The following GLIPR1 variants were observed in gnomAD, a reference collection of about 807,000 sequenced individuals.
GLIPR1 encodes the protein glioma pathogenesis-related protein 1.
A neutral mutation model predicts 30.3 loss-of-function variants in GLIPR1; 38 were observed. The ratio of observed to expected loss-of-function variants is 1.26; its 90% CI spans 0.97 to 1.65. The LOEUF (loss-of-function observed/expected upper bound fraction) is 1.65, where lower values mean the gene tolerates loss of function less well. GLIPR1 is among the 40% of genes most tolerant of loss of function. GLIPR1 has a pLI of 0.00. For missense variants in GLIPR1, 285 were observed against 326.5 expected (o/e 0.87, Z 0.98); for synonymous variants, 122 against 110.6 (o/e 1.10, Z -0.65).
At chr12:75,496,813 T>C (rs764135739) in intron 4 of GLIPR1, 10 of 152,202 alleles carry the variant, frequency 6.6e-5, no homozygotes, top group Non-Finnish European at 1.3e-4. Flanking sequence ...TTCTATATAT[T>C]AAACTGCTTG....
intron 3 of GLIPR1, chr12:75,493,562 A>T (rs1306570643): frequency 6.6e-6 from 1 of 152,162 alleles, no homozygotes; most frequent in Non-Finnish European, 1.5e-5. Context: ...AATAACTTTG[A>T]CCACAAGATA....
intron 2 of GLIPR1, chr12:75,484,887 A>C (rs1223886155): frequency 1.1e-5 from 2 of 175,852 alleles, no homozygotes; most frequent in Admixed American, 6.3e-5. Flanking sequence ...TTGGGCTCAG[A>C]GGCCTGACAA....
chr12:75,488,120 C>T (rs968401461), intron 2 of GLIPR1, among the ~76,000 whole-genome samples: 1 of 152,178 alleles, frequency 6.6e-6, no homozygotes, highest in African/African-American at 2.4e-5. Flanking sequence ...CCTGTTTTAT[C>T]CGCAAGGTCT....
At chr12:75,496,373 TA>T (rs1271731663) in intron 4 of GLIPR1, 2 of 151,888 alleles carry the variant, frequency 1.3e-5, no homozygotes, top group Admixed American at 1.3e-4. Flanking sequence ...GAAAATAAAA[TA>T]AAGCTGCAAC....
In GLIPR1 at chr12:75,480,960, A is replaced by T; in HGVS notation, c.80A>T (p.Asp27Val). 1 of 1,613,924 alleles carries T rather than the reference A, an allele frequency of 6.2e-7. No individual in the cohort carries two copies. The highest frequency in any genetic ancestry group is 8.5e-7 in the Non-Finnish European group (1 of 1,179,772). The stretch of plus-strand genomic sequence containing the variant: ...TCACACACAGCAAATATTTTGCCAG[A>T]TATCGAAAATGAAGATTTCATCAAA... ...NYSHTANILP[D>V]IENEDFIKDC... Residue 27 changes from aspartate (D) to valine (V), a missense_variant, in exon 1 of 6, where the codon GAT (aspartate) becomes GTT (valine). Physicochemically the swap from Asp to Val is radical, Grantham distance 152. Transcript: ENST00000266659.
Position 75,498,903 on chromosome 12 carries a change from A to T in GLIPR1, c.726A>T (p.Ser242=). ...RYTSLFLIVN[S]VILILSVIIT... ...CTTCTCTCTTTCTCATTGTTAATTC[A>T]GTAATTCTAATACTGTCTGTTATAA... Residue 242 remains serine, a synonymous_variant, in exon 6 of 6, where the codon TCA becomes TCT. Transcript: ENST00000266659. 3 of 1,607,404 alleles carry T rather than the reference A, an allele frequency of 1.9e-6. No individual in the cohort carries two copies. Among genetic ancestry groups the T allele is most frequent in the Non-Finnish European group, 2.6e-6 (3 of 1,174,178 alleles).
At position 75,500,065 on chromosome 12, in the gene GLIPR1, T is replaced by C; in HGVS notation, c.*1087T>C. The C allele has an allele frequency of 1.4e-6, 1 of 740,184 alleles. No homozygotes were observed. Among genetic ancestry groups the C allele is most frequent in the Non-Finnish European group, 2.1e-6 (1 of 480,460 alleles). The allele number at this position is 740,184 out of a possible 1,614,324, so 45.9% of individuals were successfully genotyped here. A position where few individuals can be genotyped will look rare whatever the true frequency, so the allele number is the denominator to read the frequency against. The stretch of plus-strand genomic sequence containing the variant: ...AAGGCAGTTAACTTCAGAGTATTCT[T>C]ATAATTGAATAATTGAAAGGTGATC... On this transcript the variant is annotated 3_prime_UTR_variant, in exon 6 of 6. Coordinates refer to ENST00000266659, the MANE Select transcript of GLIPR1 (RefSeq NM_006851.3).
At chr12:75,498,000 G>C (rs1380250266) in intron 4 of GLIPR1, 2 of 152,222 alleles carry the variant, frequency 1.3e-5, no homozygotes, top group African/African-American at 4.8e-5. Flanking sequence ...CCCACTCACA[G>C]GTATGAAGAC....
chr12:75,499,805 T>TA lies in GLIPR1; in HGVS notation c.*828dup. The TA allele has an allele frequency of 6.3e-7, 1 of 1,595,424 alleles. No individual in the cohort carries two copies. Among genetic ancestry groups the TA allele is most frequent in the Non-Finnish European group, 8.5e-7 (1 of 1,172,920 alleles). Reference sequence around the variant, plus strand: ...ATAGTTCTAGTCAAGGAGTTTTGGGTATGTTACTTTTTTTTCTTCTTTTTC... The same window carrying TA: ...ATAGTTCTAGTCAAGGAGTTTTGGGTAATGTTACTTTTTTTTCTTCTTTTTC... On this transcript the variant is annotated 3_prime_UTR_variant, in exon 6 of 6. Transcript: ENST00000266659.
At chr12:75,483,226 C>T (rs1397030091) in intron 2 of GLIPR1, among the ~76,000 whole-genome samples, 1 of 152,164 alleles carries the variant, frequency 6.6e-6, no homozygotes, top group South Asian at 2.1e-4. Context: ...AAATAAGTTT[C>T]CTTGGATTCC....
In GLIPR1 at chr12:75,481,912, C is replaced by T. The variant is rs1411077809; in HGVS notation, c.253C>T (p.Pro85Ser). Residue 85 changes from proline to serine, a missense_variant, in exon 2 of 6, where the codon CCA becomes TCA. By Grantham distance (74) the Pro-to-Ser change is moderately conservative (BLOSUM62 -1). Coordinates refer to ENST00000266659, the MANE Select transcript of GLIPR1 (RefSeq NM_006851.3). ...GTTTTCACATAATACACGGCTGAAG[C>T]CACCCCACAAGCTGCACCCAAACTT... Reference protein sequence around the residue: ...CQFSHNTRLKPPHKLHPNFTS... With the variant: ...CQFSHNTRLKSPHKLHPNFTS... The T allele has an allele frequency of 1.3e-5, 21 of 1,614,024 alleles. No homozygotes were observed. The highest frequency in any genetic ancestry group is 2.2e-5 in the East Asian group (1 of 44,890).
intron 2 of GLIPR1, among the ~76,000 whole-genome samples, chr12:75,485,539 T>TTATTTATTTATTTATC (rs2046289692): frequency 1.4e-5 from 2 of 145,142 alleles, no homozygotes; most frequent in Non-Finnish European, 3.0e-5. Flanking sequence ...TTTATTTTAT[T>TTATTTATTTATTTATC]TATTTATTTA....
chr12:75,495,715 T>G (rs1405613586), intron 4 of GLIPR1, 53 bp downstream of exon 4: 2 of 1,027,064 alleles, frequency 1.9e-6, no homozygotes, highest in Non-Finnish European at 3.0e-6. Flanking sequence ...AACATGTAAC[T>G]TTCTACAGAA....
At position 75,481,849 on chromosome 12, in the gene GLIPR1, C is replaced by T. The variant is rs199803624; in HGVS notation, c.190C>T (p.Leu64=). The part of the protein sequence containing the change: ...DMLYMTWDPA[L]AQIAKAWASN... ...ATTTTTGCAGACTTGGGACCCAGCA[C>T]TAGCCCAAATTGCAAAAGCATGGGC... Residue 64 remains leucine, a synonymous_variant, in exon 2 of 6, where the codon CTA becomes TTA. Coordinates refer to ENST00000266659, the MANE Select transcript of GLIPR1 (RefSeq NM_006851.3). The T allele has an allele frequency of 3.6e-5, 58 of 1,613,984 alleles. No homozygotes were observed. Among genetic ancestry groups the T allele is most frequent in the Non-Finnish European group, 4.8e-5 (57 of 1,179,972 alleles).
chr12:75,495,421 T>TCCA (rs1566099742), intron 3 of GLIPR1, 156 bp from the exon 4 acceptor site: 5 of 573,868 alleles, frequency 8.7e-6, no homozygotes, highest in Non-Finnish European at 1.6e-5. Flanking sequence ...TTAGCAGCCT[T>TCCA]CCATTTCTGC....
chr12:75,501,681 T>C lies in GLIPR1; in HGVS notation c.*2703T>C, dbSNP rs957088319. On this transcript the variant is annotated 3_prime_UTR_variant, in exon 6 of 6. Coordinates refer to ENST00000266659, the MANE Select transcript of GLIPR1 (RefSeq NM_006851.3). ...CAGACAAATTTATTATGGGTTTACT[T>C]TTCCTAATTAATAAAGACTTTTACA... The C allele has an allele frequency of 1.5e-5, 20 of 1,302,646 alleles. No homozygotes were observed. Among genetic ancestry groups the C allele is most frequent in the Non-Finnish European group, 2.0e-5 (18 of 913,908 alleles). The allele number at this position is 1,302,646 out of a possible 1,614,324, so 80.7% of individuals were successfully genotyped here. A position where few individuals can be genotyped will look rare whatever the true frequency, so the allele number is the denominator to read the frequency against.
intron 3 of GLIPR1, chr12:75,495,036 AT>A (rs2046342172): frequency 6.6e-6 from 1 of 152,286 alleles, no homozygotes. Flanking sequence ...TACTTTAGAA[AT>A]TCCCCCATAC....
intron 2 of GLIPR1, among the ~76,000 whole-genome samples, chr12:75,487,072 G>T (rs376557840): frequency 1.2e-4 from 18 of 152,266 alleles, no homozygotes; most frequent in African/African-American, 4.3e-4. Flanking sequence ...ATGGGGAAGG[G>T]ATCCAAAGAT....
At position 75,495,572 on chromosome 12, in the gene GLIPR1, TAC is replaced by T. The variant is rs756938561; in HGVS notation, c.534-3_534-2del. Reference sequence around the variant, plus strand: ...TCTAATGGACATCCTTCTTCTGCTTTACAGAGGGAATTACCCAACTTGGCCAT... The same window carrying T: ...TCTAATGGACATCCTTCTTCTGCTTTAGAGGGAATTACCCAACTTGGCCAT... On this transcript the variant is annotated splice_polypyrimidine_tract_variant and splice_region_variant and intron_variant, in intron 3 of 5. Coordinates refer to ENST00000266659, the MANE Select transcript of GLIPR1 (RefSeq NM_006851.3). The T allele has an allele frequency of 6.4e-7, 1 of 1,561,770 alleles. No individual in the cohort carries two copies. The highest frequency in any genetic ancestry group is 2.2e-5 in the East Asian group (1 of 44,600).
Sources: allele counts gnomAD v4.1 joint callset (sites outside exome capture counted in the v4.1 genomes callset), GRCh38; gene constraint gnomAD v4.1.1; transcripts MANE v1.5; gene names NCBI Gene and HGNC (gene_info 2026-07-23, HGNC 2026-07-21).